CRPPA: variants seen among roughly 807,000 people sequenced by gnomAD.
CRPPA encodes the protein CDP-L-ribitol pyrophosphorylase A, also known as D-ribitol-5-phosphate cytidylyltransferase.
A neutral mutation model predicts 52.0 loss-of-function variants in CRPPA; 43 were observed. The ratio of observed to expected loss-of-function variants is 0.83; its 90% CI spans 0.65 to 1.07. The LOEUF (loss-of-function observed/expected upper bound fraction) is 1.07. CRPPA is among the 50% of genes least tolerant of loss of function. The pLI, the probability that CRPPA is intolerant of heterozygous loss-of-function variation, is 0.00. For synonymous variants in CRPPA, 250 were observed against 203.5 expected, an observed-to-expected ratio of 1.23 and a Z score of -1.94; for missense variants, 629 against 551.7, an observed-to-expected ratio of 1.14 and a Z score of -1.40.
intron 2 of CRPPA, among the ~76,000 whole-genome samples, chr7:16,389,913 C>CAAAAAAAAAAAAAAAAAAAAAAAAA (rs1163092089): frequency 1.2e-4 from 4 of 34,310 alleles, no homozygotes; most frequent in South Asian, 1.7e-3. Context: ...GCCTAGTATA[C>CAAAAAAAAAAAAAAAAAAAAAAAAA]AAAAAAAAAA....
chr7:16,201,211 T>A (rs1781846706), intron 9 of CRPPA, among the ~76,000 whole-genome samples: 1 of 152,104 alleles, frequency 6.6e-6, no homozygotes, highest in African/African-American at 2.4e-5. Context: ...TAAAAACATA[T>A]AAGCATTGTT....
intron 9 of CRPPA, among the ~76,000 whole-genome samples, chr7:16,142,523 T>C (rs1782893088): frequency 6.6e-6 from 1 of 152,222 alleles, no homozygotes; most frequent in Non-Finnish European, 1.5e-5. Context: ...GATAAAACTT[T>C]TAGATGTTGA....
intron 2 of CRPPA, among the ~76,000 whole-genome samples, chr7:16,397,194 T>C (rs1378780191): frequency 6.6e-6 from 1 of 152,250 alleles, no homozygotes; most frequent in African/African-American, 2.4e-5. Flanking sequence ...CAAAACGTGA[T>C]GGACGTGTGA....
intron 5 of CRPPA, 84 bp from the exon 6 acceptor site, chr7:16,278,310 G>A (rs1423966121): frequency 1.5e-6 from 1 of 679,430 alleles, no homozygotes; most frequent in African/African-American, 1.8e-5. Flanking sequence ...CTTACCTGAT[G>A]TTCTTAGCTG....
At chr7:16,341,710 T>A (rs747484183) in intron 3 of CRPPA, among the ~76,000 whole-genome samples, 25 of 152,194 alleles carry the variant, frequency 1.6e-4, no homozygotes, top group Non-Finnish European at 3.2e-4. Flanking sequence ...TGTGGGATAT[T>A]ATGTCTACCA....
chr7:16,333,267 G>A (rs1785599821), intron 3 of CRPPA, among the ~76,000 whole-genome samples: 1 of 152,086 alleles, frequency 6.6e-6, no homozygotes, highest in Admixed American at 6.5e-5. Context: ...CCAATCAACA[G>A]AATAGAATTG....
intron 8 of CRPPA, among the ~76,000 whole-genome samples, chr7:16,232,226 A>T (rs1782818476): frequency 6.6e-6 from 1 of 152,194 alleles, no homozygotes; most frequent in Admixed American, 6.5e-5. Context: ...TTCATAATTA[A>T]TATGGTTTAA....
intron 9 of CRPPA, among the ~76,000 whole-genome samples, chr7:16,215,273 C>T (rs538875764): frequency 2.6e-5 from 4 of 152,336 alleles, no homozygotes; most frequent in Admixed American, 1.3e-4. Flanking sequence ...ACTTGCTAGA[C>T]TCTTGTATGG....
chr7:16,281,366 T>C (rs1026443670), intron 5 of CRPPA, among the ~76,000 whole-genome samples: 4 of 152,186 alleles, frequency 2.6e-5, no homozygotes, highest in African/African-American at 9.6e-5. Flanking sequence ...TACATTTTGA[T>C]ACAGACCTTG....
rs1388107073 is a variant in CRPPA, at chr7:16,089,276, ATG to A, written c.*2417_*2418del. 4 of 367,680 alleles carry A rather than the reference ATG, an allele frequency of 1.1e-5. No individual in the cohort carries two copies. The highest frequency in any genetic ancestry group is 7.5e-5 in the East Asian group (1 of 13,296). The allele number at this position is 367,680 out of a possible 1,614,324, so 22.8% of individuals were successfully genotyped here. ...TGTGTATGCGTACGTATATACATATATGTGTGTATGCGTACGTATATACATAT... is the reference window on the plus strand; with the variant it reads ...TGTGTATGCGTACGTATATACATATATGTGTATGCGTACGTATATACATAT... On this transcript the variant is annotated 3_prime_UTR_variant, in exon 10 of 10. Transcript: ENST00000407010.
intron 9 of CRPPA, among the ~76,000 whole-genome samples, chr7:16,178,135 G>A (rs1164910734): frequency 1.3e-5 from 2 of 152,104 alleles, no homozygotes; most frequent in African/African-American, 2.4e-5. Flanking sequence ...AGGCAACTAC[G>A]TGGTCTTTTC....
intron 1 of CRPPA, among the ~76,000 whole-genome samples, chr7:16,415,673 T>C (rs960432008): frequency 1.1e-4 from 17 of 152,324 alleles, no homozygotes; most frequent in East Asian, 3.9e-4. Flanking sequence ...GTTTTAGCTT[T>C]CCTGGGTTCA....
intron 3 of CRPPA, among the ~76,000 whole-genome samples, chr7:16,350,157 T>C (rs147760480): frequency 6.6e-6 from 1 of 152,058 alleles, no homozygotes; most frequent in African/African-American, 2.4e-5. Flanking sequence ...AGGAAGCCTA[T>C]CTTTCAAAAA....
chr7:16,281,897 T>C (rs768252431), intron 5 of CRPPA, among the ~76,000 whole-genome samples: 55 of 152,202 alleles, frequency 3.6e-4, no homozygotes, highest in Non-Finnish European at 6.9e-4. Flanking sequence ...TTAATATCTG[T>C]ACAATTGTAT....
intron 5 of CRPPA, among the ~76,000 whole-genome samples, chr7:16,280,089 GA>G (rs935500731): frequency 3.3e-5 from 5 of 152,154 alleles, no homozygotes; most frequent in African/African-American, 9.7e-5. Context: ...AACAGCATGG[GA>G]AAGACCTGCC....
At chr7:16,126,931 T>C (rs1782592228) in intron 9 of CRPPA, among the ~76,000 whole-genome samples, 1 of 151,994 alleles carries the variant, frequency 6.6e-6, no homozygotes, top group East Asian at 1.9e-4. Context: ...AAAGAAAAAA[T>C]AGTATGCTAC....
intron 9 of CRPPA, among the ~76,000 whole-genome samples, chr7:16,118,390 C>T (rs1782420327): frequency 6.6e-6 from 1 of 152,168 alleles, no homozygotes; most frequent in South Asian, 2.1e-4. Flanking sequence ...TGACTGCTGG[C>T]ATTGAGTTAG....
intron 3 of CRPPA, among the ~76,000 whole-genome samples, chr7:16,350,871 A>T (rs2128307770): frequency 6.6e-6 from 1 of 152,312 alleles, no homozygotes; most frequent in South Asian, 2.1e-4. Context: ...TTCATCTTAA[A>T]GAACACTCAG....
intron 6 of CRPPA, among the ~76,000 whole-genome samples, chr7:16,275,476 G>C (rs570548669): frequency 6.6e-6 from 1 of 152,116 alleles, no homozygotes; most frequent in Non-Finnish European, 1.5e-5. Context: ...GGACGGCCAC[G>C]GAGGTGTTAT....
Sources: allele counts gnomAD v4.1 joint callset (sites outside exome capture counted in the v4.1 genomes callset), GRCh38; gene constraint gnomAD v4.1.1; transcripts MANE v1.5; gene names NCBI Gene and HGNC (gene_info 2026-07-23, HGNC 2026-07-21).